RPS6KA5: variants seen among roughly 807,000 people sequenced by gnomAD.
RPS6KA5 encodes ribosomal protein S6 kinase alpha-5.
Under a neutral mutation model 85.5 loss-of-function variants are expected in RPS6KA5, and 27 were observed. The observed-to-expected ratio is 0.32, with a 90% CI of 0.23 to 0.44. The LOEUF (loss-of-function observed/expected upper bound fraction) is 0.44, where lower values mean the gene tolerates loss of function less well. RPS6KA5 is among the 20% of genes least tolerant of loss of function. The probability of loss-of-function intolerance (pLI) is 1.00; values close to 1 mark genes in which losing one functional copy is unlikely to be tolerated. For missense variants in RPS6KA5, 811 were observed against 980.9 expected, an observed-to-expected ratio of 0.83 and a Z score of 2.31; for synonymous variants, 334 against 348.2, an observed-to-expected ratio of 0.96 and a Z score of 0.46.
chr14:90,883,604 T>C (rs1378032593), intron 14 of RPS6KA5, among the ~76,000 whole-genome samples: 3 of 152,234 alleles, frequency 2.0e-5, no homozygotes, highest in Admixed American at 2.0e-4. Context: ...AGTCTTTGTC[T>C]AGGTGAATTT....
chr14:90,953,400 G>A lies in RPS6KA5; in HGVS notation c.395-5850C>T, dbSNP rs566765696. Reference sequence around the variant, plus strand: ...ATGTACATCACCTCAGGACCACTATGATATTTGTATTAACTGTACAAATTG... The same window carrying A: ...ATGTACATCACCTCAGGACCACTATAATATTTGTATTAACTGTACAAATTG... On this transcript the variant is annotated intron_variant, in intron 3 of 16. Coordinates refer to ENST00000614987, the MANE Select transcript of RPS6KA5 (RefSeq NM_004755.4). 1.8e-3 allele frequency among the ~76,000 whole-genome samples: 271 copies of A among 152,250 alleles called. No individual in the cohort carries two copies. In the Middle Eastern group the frequency reaches 0.02, roughly 11 times the overall value.
At chr14:90,994,766 G>T (rs2040449392) in intron 2 of RPS6KA5, among the ~76,000 whole-genome samples, 1 of 151,314 alleles carries the variant, frequency 6.6e-6, no homozygotes, top group Admixed American at 6.6e-5. Context: ...TAGAGACGGG[G>T]TTTAACCGTG....
At chr14:91,026,915 A>G (rs1242949954) in intron 1 of RPS6KA5, among the ~76,000 whole-genome samples, 1 of 152,190 alleles carries the variant, frequency 6.6e-6, no homozygotes, top group Non-Finnish European at 1.5e-5. Context: ...GGCCACTTGC[A>G]TGTCTTCCTT....
chr14:90,854,463 T>C lies in RPS6KA5; in HGVS notation c.*17611A>G, dbSNP rs1331842757. The stretch of plus-strand genomic sequence containing the variant: ...TACACTTGTCTCAAGTAAGTCTATT[T>C]AACTAGAATTTTTAAAGACTTGCGA... On this transcript the variant is annotated 3_prime_UTR_variant, in exon 17 of 17. Coordinates refer to ENST00000614987, the MANE Select transcript of RPS6KA5 (RefSeq NM_004755.4). 6.6e-6 allele frequency: 1 copy of C among 152,178 alleles called. No homozygotes were observed. Among genetic ancestry groups the C allele is most frequent in the Non-Finnish European group, 1.5e-5 (1 of 68,028 alleles). The allele number at this position is 152,178 out of a possible 1,614,324, so 9.4% of individuals were successfully genotyped here.
intron 3 of RPS6KA5, among the ~76,000 whole-genome samples, chr14:90,951,269 G>A (rs1167751561): frequency 6.6e-6 from 1 of 152,050 alleles, no homozygotes; most frequent in Non-Finnish European, 1.5e-5. Flanking sequence ...GGGTCACCAG[G>A]TCAGGAGATC....
chr14:90,951,208 G>C (rs2140382980), intron 3 of RPS6KA5, among the ~76,000 whole-genome samples: 1 of 151,924 alleles, frequency 6.6e-6, no homozygotes. Context: ...GGAAGGCTGG[G>C]CGCGGTGGCT....
intron 3 of RPS6KA5, among the ~76,000 whole-genome samples, chr14:90,950,878 T>C (rs1050382634): frequency 4.6e-5 from 7 of 152,114 alleles, no homozygotes; most frequent in Non-Finnish European, 8.8e-5. Flanking sequence ...CCCAGCACTT[T>C]GGGAGGCTGA....
chr14:90,971,552 C>T (rs187995528), intron 3 of RPS6KA5, among the ~76,000 whole-genome samples: 1 of 152,312 alleles, frequency 6.6e-6, no homozygotes, highest in Non-Finnish European at 1.5e-5. Context: ...AGTAGAAATG[C>T]TAGTCTATTC....
At chr14:91,031,748 G>T (rs1390340695) in intron 1 of RPS6KA5, among the ~76,000 whole-genome samples, 1 of 151,964 alleles carries the variant, frequency 6.6e-6, no homozygotes. Flanking sequence ...TAAAACACTT[G>T]GCCCCACAAT....
rs1566717598 is a variant in RPS6KA5 at position 90,902,860 on chromosome 14, T to A, written c.1067A>T (p.Asp356Val). ...SNFAEEFTEMDPTYSPAALPQ... is the reference protein window; with the variant it reads ...SNFAEEFTEMVPTYSPAALPQ... Reference sequence around the variant, plus strand: ...CAGGGCTGCGGGAGAATAAGTGGGATCCATTTCTGTGAACTCTTCTGCAAA... The same window carrying A: ...CAGGGCTGCGGGAGAATAAGTGGGAACCATTTCTGTGAACTCTTCTGCAAA... Residue 356 changes from aspartate to valine, a missense_variant, in exon 9 of 17, where the codon GAT becomes GTT. Transcript: ENST00000614987. 8 of 1,614,030 alleles carry A rather than the reference T, an allele frequency of 5.0e-6. No individual in the cohort carries two copies. In the South Asian group the frequency reaches 7.7e-5, roughly 16 times the overall value.
At position 90,848,300 on chromosome 14, in the gene RPS6KA5, T is replaced by C. The variant is rs1443283896; in HGVS notation, c.*23774A>G. ...AGCACTCAAAGAACATCGAAATAAC[T>C]TCATATCTATAGCAACGAAGGGAAC... On this transcript the variant is annotated 3_prime_UTR_variant, in exon 17 of 17. Transcript: ENST00000614987. 1 of 152,178 alleles carries C rather than the reference T, an allele frequency of 6.6e-6. No homozygotes were observed. The highest frequency in any genetic ancestry group is 1.5e-5 in the Non-Finnish European group (1 of 68,036). The allele number at this position is 152,178 out of a possible 1,614,324, so 9.4% of individuals were successfully genotyped here. A position where few individuals can be genotyped will look rare whatever the true frequency, so the allele number is the denominator to read the frequency against.
chr14:91,039,133 T>C (rs1438869342), intron 1 of RPS6KA5, among the ~76,000 whole-genome samples: 1 of 152,170 alleles, frequency 6.6e-6, no homozygotes, highest in Non-Finnish European at 1.5e-5. Context: ...TCACCTTCCA[T>C]TCAATTCTAG....
At chr14:90,970,314 G>C (rs1424288405) in intron 3 of RPS6KA5, among the ~76,000 whole-genome samples, 1 of 152,166 alleles carries the variant, frequency 6.6e-6, no homozygotes, top group Non-Finnish European at 1.5e-5. Flanking sequence ...AATATATCAT[G>C]AACCATTCTG....
At chr14:90,963,238 A>G (rs183072029) in intron 3 of RPS6KA5, among the ~76,000 whole-genome samples, 10 of 151,140 alleles carry the variant, frequency 6.6e-5, no homozygotes, top group African/African-American at 2.4e-4. Context: ...TGGAAGGAAT[A>G]GCAATAAAAT....
At chr14:90,957,262 G>A (rs1486891813) in intron 3 of RPS6KA5, among the ~76,000 whole-genome samples, 2 of 151,954 alleles carry the variant, frequency 1.3e-5, no homozygotes, top group South Asian at 2.1e-4. Context: ...ACAGGGTTTC[G>A]CCATGTTGGC....
intron 1 of RPS6KA5, chr14:91,052,595 C>G: frequency 5.6e-6 from 1 of 177,746 alleles, no homozygotes; most frequent in Non-Finnish European, 1.2e-5. Context: ...GAGGCCAAGG[C>G]GGATGGATCA....
chr14:90,939,746 C>G (rs1197157759), intron 5 of RPS6KA5, among the ~76,000 whole-genome samples: 1 of 151,340 alleles, frequency 6.6e-6, no homozygotes, highest in African/African-American at 2.4e-5. Context: ...TAACTCCCCA[C>G]CAGGTCCTTC....
At chr14:91,041,838 G>A (rs771937469) in intron 1 of RPS6KA5, among the ~76,000 whole-genome samples, 3 of 152,168 alleles carry the variant, frequency 2.0e-5, no homozygotes, top group Non-Finnish European at 2.9e-5. Flanking sequence ...GTATAAAACG[G>A]CAGTGTTTAC....
chr14:90,883,334 C>G (rs1195042494), intron 14 of RPS6KA5, among the ~76,000 whole-genome samples: 1 of 152,106 alleles, frequency 6.6e-6, no homozygotes, highest in East Asian at 1.9e-4. Context: ...ATTTTTCTCT[C>G]TGTTCCTCAC....
Sources: gnomAD v4.1 joint callset for allele counts (sites outside exome capture counted in the v4.1 genomes callset) on GRCh38, gnomAD v4.1.1 for gene constraint, MANE v1.5 for transcripts, NCBI Gene and HGNC (gene_info 2026-07-23, HGNC 2026-07-21) for gene names.